DST: variants seen among roughly 807,000 people sequenced by gnomAD.
DST encodes the protein dystonin, also known as bullous pemphigoid antigen.
Under a neutral mutation model 875.2 loss-of-function variants are expected in DST, and 253 were observed. The ratio of observed to expected loss-of-function variants is 0.29; its 90% confidence interval spans 0.26 to 0.32. The LOEUF is 0.32. DST is among the 10% of genes least tolerant of loss of function. The pLI is 1.00. For synonymous variants in DST, 3,124 were observed against 3,197.1 expected, an observed-to-expected ratio of 0.98 and a Z score of 0.77; for missense variants, 8,287 against 9,111.6, an observed-to-expected ratio of 0.91 and a Z score of 3.68.
chr6:56,556,682 T>C (rs1425513594), intron 59 of DST, among the ~76,000 whole-genome samples: 1 of 152,190 alleles, frequency 6.6e-6, no homozygotes, highest in East Asian at 1.9e-4. Context: ...CTAACTGAAA[T>C]CACCACAGAG....
chr6:56,606,457 C>G lies in DST; in HGVS notation c.8171G>C (p.Gly2724Ala). ...GATATTTGTGCATTCCCTTTCTGATCCAGTTTCCAGTGACTGTCCATTCAC... is the reference window on the plus strand; with the variant it reads ...GATATTTGTGCATTCCCTTTCTGATGCAGTTTCCAGTGACTGTCCATTCAC... ...DKVNGQSLET[G>A]SERECTNILE... The change falls in exon 40 of 104, where the codon GGA (glycine) becomes GCA (alanine). Residue 2724 changes from glycine to alanine, a missense_variant. Gly to Ala is a moderately conservative substitution (Grantham distance 60). This residue lies in a region of DST where 3,138 missense variants were observed against 3,116.6 expected (regional missense o/e 1.01). Coordinates refer to ENST00000680361, the MANE Select transcript of DST (RefSeq NM_001374736.1). 6.2e-7 allele frequency: 1 copy of G among 1,613,306 alleles called. No individual in the cohort carries two copies. The highest frequency in any genetic ancestry group is 8.5e-7 in the Non-Finnish European group (1 of 1,179,490).
Position 56,851,579 on chromosome 6 carries a change from C to A in DST, c.443G>T (p.Cys148Phe). The change falls in exon 4 of 104, where the codon TGC (cysteine) becomes TTC (phenylalanine). Residue 148 changes from cysteine (C) to phenylalanine (F), a missense_variant. Cys to Phe is a radical substitution (Grantham distance 205). Coordinates refer to ENST00000680361, the MANE Select transcript of DST (RefSeq NM_001374736.1). ...AAAATCCGCAGAGGAAGACATAGAG[C>A]AGCGATAGGACGCGTTCCCGGAACT... is the stretch of plus-strand genomic sequence containing the variant. The part of the protein sequence containing the change: ...RPSSGNASYR[C>F]SMSSSADFSD... 1 of 1,613,908 alleles carries A rather than the reference C, an allele frequency of 6.2e-7. No individual in the cohort carries two copies. The highest frequency in any genetic ancestry group is 8.5e-7 in the Non-Finnish European group (1 of 1,179,858).
At chr6:56,892,737 T>G (rs758424450) in intron 3 of DST, among the ~76,000 whole-genome samples, 4 of 152,216 alleles carry the variant, frequency 2.6e-5, no homozygotes, top group Non-Finnish European at 5.9e-5. Context: ...ATTCCTATAA[T>G]GCTTACTAAT....
At chr6:56,726,336 T>C (rs193024504) in intron 5 of DST, among the ~76,000 whole-genome samples, 1 of 152,332 alleles carries the variant, frequency 6.6e-6, no homozygotes, top group Non-Finnish European at 1.5e-5. Context: ...TGCAATATGG[T>C]AAACCCTCAC....
chr6:56,594,298 C>A (rs764562901), intron 47 of DST, 105 bp from the exon 48 acceptor site: 26 of 860,686 alleles, frequency 3.0e-5, no homozygotes, highest in Middle Eastern at 5.1e-4. Context: ...ATCTACAGGG[C>A]TACAACTTGC....
intron 49 of DST, among the ~76,000 whole-genome samples, chr6:56,584,157 G>A (rs2098089992): frequency 6.6e-6 from 1 of 152,032 alleles, no homozygotes; most frequent in South Asian, 2.1e-4. Context: ...GATGGGGATG[G>A]CACTGAATCT....
chr6:56,635,866 G>A (rs2098819399), intron 23 of DST, 152 bp from the exon 24 acceptor site: 2 of 791,428 alleles, frequency 2.5e-6, no homozygotes, highest in Admixed American at 4.2e-5. Context: ...TCTTTCCTTG[G>A]ACCAAAGAAT....
intron 95 of DST, 79 bp from the exon 96 acceptor site, chr6:56,470,361 A>C (rs1223343648): frequency 3.3e-6 from 4 of 1,201,500 alleles, no homozygotes. Flanking sequence ...TTTCAATCTC[A>C]GTGTAGCTGG....
At chr6:56,766,144 G>C (rs2099632780) in intron 4 of DST, among the ~76,000 whole-genome samples, 1 of 152,184 alleles carries the variant, frequency 6.6e-6, no homozygotes, top group Non-Finnish European at 1.5e-5. Flanking sequence ...ACATTTTGTA[G>C]AAAGCTTACA....
intron 25 of DST, 78 bp from the exon 26 acceptor site, chr6:56,634,694 T>G: frequency 1.2e-6 from 2 of 1,607,516 alleles, no homozygotes; most frequent in Non-Finnish European, 1.7e-6. Flanking sequence ...GGGATTTTTT[T>G]TGTTTTATGA....
Position 56,604,874 on chromosome 6 carries a change from T to C in DST, c.9754A>G (p.Ser3252Gly). 1 of 1,612,746 alleles carries C rather than the reference T, an allele frequency of 6.2e-7. No individual in the cohort carries two copies. The highest frequency in any genetic ancestry group is 8.5e-7 in the Non-Finnish European group (1 of 1,179,308). Residue 3252 changes from serine (S) to glycine (G), a missense_variant, in exon 40 of 104, where the codon AGC becomes GGC. Around this residue, in one of 10 missense-constraint regions of DST, gnomAD observed 3,138 missense variants for 3,116.6 expected, o/e 1.01. Transcript: ENST00000680361. ...IQSNDLCSKE[S>G]ISGGGTEISQ... ...ATTTCTGTTCCTCCTCCTGAGATGC[T>C]TTCTTTACTACAAAGATCATTGCTT...
In DST at chr6:56,618,662, T is replaced by A. The variant is rs759091759; in HGVS notation, c.4930-4178A>T. On this transcript the variant is annotated intron_variant, in intron 36 of 103. Coordinates refer to ENST00000680361, the MANE Select transcript of DST (RefSeq NM_001374736.1). ...GTTTGTTTCACAAAGCTTAGCATTT[T>A]CTTGGGCTCTAGAGTTTTCTTGTTG... The A allele has an allele frequency of 4.3e-6, 7 of 1,613,994 alleles. No individual in the cohort carries two copies. Among genetic ancestry groups the A allele is most frequent in the Admixed American group, 1.7e-5 (1 of 59,996 alleles).
chr6:56,475,188 T>C (rs1173073145), intron 92 of DST, among the ~76,000 whole-genome samples: 1 of 152,092 alleles, frequency 6.6e-6, no homozygotes, highest in Non-Finnish European at 1.5e-5. Context: ...GGTATCCCTC[T>C]ATTTGGAATA....
At chr6:56,563,842 T>C (rs1182538682) in intron 55 of DST, among the ~76,000 whole-genome samples, 2 of 152,156 alleles carry the variant, frequency 1.3e-5, no homozygotes, top group African/African-American at 4.8e-5. Flanking sequence ...AGGGAATCCT[T>C]CCCCCATTGC....
intron 22 of DST, chr6:56,639,023 C>G: frequency 1.7e-6 from 1 of 573,652 alleles, no homozygotes; most frequent in Non-Finnish European, 3.1e-6. Flanking sequence ...ATATTTACAG[C>G]AATACATCTT....
At chr6:56,562,265 GGCA>G in intron 55 of DST, 65 bp from the exon 56 acceptor site, 1 of 1,163,786 alleles carries the variant, frequency 8.6e-7, no homozygotes, top group Non-Finnish European at 1.2e-6. Flanking sequence ...AACAGTAGAT[GGCA>G]TTAAATCAAA....
intron 4 of DST, among the ~76,000 whole-genome samples, chr6:56,746,410 T>G (rs2099572571): frequency 6.6e-6 from 1 of 152,224 alleles, no homozygotes; most frequent in Non-Finnish European, 1.5e-5. Context: ...CATACTAAGA[T>G]GTTTACCATA....
At chr6:56,854,115 T>G (rs1766673224) in intron 3 of DST, among the ~76,000 whole-genome samples, 1 of 152,190 alleles carries the variant, frequency 6.6e-6, no homozygotes, top group Admixed American at 6.5e-5. Flanking sequence ...TGGAAACAGA[T>G]TTAAATGGAG....
intron 95 of DST, 75 bp downstream of exon 95, chr6:56,471,031 C>A (rs973382505): frequency 1.1e-5 from 16 of 1,414,988 alleles, no homozygotes; most frequent in Non-Finnish European, 1.5e-5. Flanking sequence ...ACAAGTTTAC[C>A]AGACCCACAC....
Sources: allele counts gnomAD v4.1 joint callset (sites outside exome capture counted in the v4.1 genomes callset), GRCh38; gene constraint gnomAD v4.1.1; regional missense constraint gnomAD v4.1.1; transcripts MANE v1.5; gene names NCBI Gene and HGNC (gene_info 2026-07-23, HGNC 2026-07-21).